Variants in RETREG1 observed in about 807,000 individuals in gnomAD.
The protein encoded by RETREG1 is family with sequence similarity 134 member B.
A neutral mutation model predicts 54.8 loss-of-function variants in RETREG1; 44 were observed. The ratio of observed to expected loss-of-function variants is 0.80; its 90% CI spans 0.63 to 1.03. The LOEUF is 1.03. Ranked by LOEUF, RETREG1 falls within the 50% of genes least tolerant of loss-of-function variation. The pLI is 0.00. For synonymous variants in RETREG1, 217 were observed against 238.5 expected, an observed-to-expected ratio of 0.91 and a Z score of 0.83; for missense variants, 554 against 605.1, an observed-to-expected ratio of 0.92 and a Z score of 0.89.
At chr5:16,498,276 A>G (rs1379362752) in intron 3 of RETREG1, among the ~76,000 whole-genome samples, 1 of 152,204 alleles carries the variant, frequency 6.6e-6, no homozygotes, top group African/African-American at 2.4e-5. Context: ...TACCGAGGCT[A>G]TAGGGTACAA....
chr5:16,497,473 C>T (rs992538679), intron 3 of RETREG1, among the ~76,000 whole-genome samples: 6 of 152,204 alleles, frequency 3.9e-5, no homozygotes. Flanking sequence ...TAAAATATCC[C>T]CTGCCTAGCA....
At chr5:16,519,593 T>A (rs1473142509) in intron 3 of RETREG1, among the ~76,000 whole-genome samples, 1 of 152,212 alleles carries the variant, frequency 6.6e-6, no homozygotes, top group African/African-American at 2.4e-5. Context: ...AAAGCTCCTT[T>A]CAGCCCAAAA....
At chr5:16,540,825 CTGGCTAATTT>C (rs576529440) in intron 3 of RETREG1, among the ~76,000 whole-genome samples, 278 of 152,310 alleles carry the variant, frequency 1.8e-3, no homozygotes, top group African/African-American at 6.2e-3. Flanking sequence ...TGTTCAGTGG[CTGGCTAATTT>C]CTCCCATGCA....
At chr5:16,478,158 T>A in intron 6 of RETREG1, 60 bp from the exon 7 acceptor site, 1 of 1,041,176 alleles carries the variant, frequency 9.6e-7, no homozygotes, top group Non-Finnish European at 1.5e-6. Context: ...ATAGTGCATT[T>A]ATTTCATTAT....
At chr5:16,528,104 C>A (rs1226285161) in intron 3 of RETREG1, among the ~76,000 whole-genome samples, 3 of 152,012 alleles carry the variant, frequency 2.0e-5, no homozygotes, top group African/African-American at 7.2e-5. Context: ...CCACCGCGCC[C>A]GGCCAGGGAC....
At chr5:16,490,675 G>A (rs769821013) in intron 3 of RETREG1, among the ~76,000 whole-genome samples, 5 of 152,194 alleles carry the variant, frequency 3.3e-5, no homozygotes, top group Non-Finnish European at 7.3e-5. Flanking sequence ...AGATACATTA[G>A]CTATCTTGTT....
intron 1 of RETREG1, among the ~76,000 whole-genome samples, chr5:16,600,478 C>T (rs1044628253): frequency 6.6e-6 from 1 of 152,224 alleles, no homozygotes; most frequent in Non-Finnish European, 1.5e-5. Context: ...GGCAGAGGAA[C>T]CACGCTGAGA....
chr5:16,607,658 G>T (rs1329416630), intron 1 of RETREG1, among the ~76,000 whole-genome samples: 3 of 151,896 alleles, frequency 2.0e-5, no homozygotes, highest in Non-Finnish European at 2.9e-5. Context: ...ATATTTTAAT[G>T]GAGGTCCTGA....
At chr5:16,477,087 A>T (rs966432059) in intron 8 of RETREG1, among the ~76,000 whole-genome samples, 1 of 152,074 alleles carries the variant, frequency 6.6e-6, no homozygotes, top group African/African-American at 2.4e-5. Context: ...ATCGCTTGGG[A>T]CATTTCAAAG....
intron 3 of RETREG1, among the ~76,000 whole-genome samples, chr5:16,510,667 G>A (rs1222642561): frequency 6.6e-6 from 1 of 151,830 alleles, no homozygotes; most frequent in Admixed American, 6.6e-5. Context: ...ACGCATGCCT[G>A]TAATCCCAGC....
At chr5:16,530,049 CTT>C (rs1254348642) in intron 3 of RETREG1, among the ~76,000 whole-genome samples, 6 of 152,228 alleles carry the variant, frequency 3.9e-5, no homozygotes, top group Non-Finnish European at 8.8e-5. Flanking sequence ...GCTCTTCACT[CTT>C]ATGCCTGCTC....
intron 3 of RETREG1, among the ~76,000 whole-genome samples, chr5:16,551,755 T>C (rs891368802): frequency 1.3e-5 from 2 of 152,176 alleles, no homozygotes; most frequent in African/African-American, 4.8e-5. Context: ...AATTACAAAT[T>C]TAGTGTCTGA....
rs1739585023 is a variant in RETREG1 at position 16,498,952 on chromosome 5, T to G, written c.459-15480A>C. The stretch of plus-strand genomic sequence containing the variant: ...TTTTTTACTTAATAAACTTTTCCAT[T>G]TTTTTAAAGTTTTTGACTCTTGTAA... On this transcript the variant is annotated intron_variant, in intron 3 of 8. Coordinates refer to ENST00000306320, the MANE Select transcript of RETREG1 (RefSeq NM_001034850.3). 1.3e-5 allele frequency among the ~76,000 whole-genome samples: 2 copies of G among 152,178 alleles called. 1 individual carries two copies. The highest frequency in any genetic ancestry group is 4.1e-4 in the South Asian group (2 of 4,832).
At position 16,616,978 on chromosome 5, in the gene RETREG1, C is replaced by T. The variant is rs1311232328; in HGVS notation, c.-7G>A. The T allele has an allele frequency of 7.1e-7, 1 of 1,402,416 alleles. No homozygotes were observed. The highest frequency in any genetic ancestry group is 9.3e-7 in the Non-Finnish European group (1 of 1,080,358). The allele number at this position is 1,402,416 out of a possible 1,614,324, so 86.9% of individuals were successfully genotyped here. A position where few individuals can be genotyped will look rare whatever the true frequency, so the allele number is the denominator to read the frequency against. ...GAGGCGCCGGGCTCGCCATCTTCAGCTGTGCTTCCAGACAGGGACGGGGCC... is the reference window on the plus strand; with the variant it reads ...GAGGCGCCGGGCTCGCCATCTTCAGTTGTGCTTCCAGACAGGGACGGGGCC... On this transcript the variant is annotated 5_prime_UTR_variant, in exon 1 of 9. Coordinates refer to ENST00000306320, the MANE Select transcript of RETREG1 (RefSeq NM_001034850.3).
intron 1 of RETREG1, among the ~76,000 whole-genome samples, chr5:16,595,702 G>A (rs553711544): frequency 2.3e-4 from 35 of 152,308 alleles, no homozygotes; most frequent in South Asian, 4.1e-4. Flanking sequence ...GCAAGAGGAA[G>A]CCCTTGACTG....
intron 5 of RETREG1, among the ~76,000 whole-genome samples, chr5:16,480,038 T>A (rs1738699098): frequency 6.6e-6 from 1 of 151,990 alleles, no homozygotes; most frequent in Non-Finnish European, 1.5e-5. Context: ...GACATATGCA[T>A]ACAACTAAGA....
intron 3 of RETREG1, among the ~76,000 whole-genome samples, chr5:16,535,811 ACGCTGCCTT>A (rs1307004620): frequency 4.5e-5 from 6 of 133,438 alleles, no homozygotes; most frequent in African/African-American, 1.5e-4. Flanking sequence ...TCCTGTGTGC[ACGCTGCCTT>A]CACGAAGTGG....
chr5:16,531,433 G>A (rs1740912201), intron 3 of RETREG1, among the ~76,000 whole-genome samples: 1 of 152,162 alleles, frequency 6.6e-6, no homozygotes, highest in Non-Finnish European at 1.5e-5. Flanking sequence ...GCGTCAGGAG[G>A]GTAAAGATTA....
At position 16,561,223 on chromosome 5, in the gene RETREG1, C is replaced by T. The variant is rs1395164367; in HGVS notation, c.458+4540G>A. ...CCTATAAACGGTACTTCCCGCCGGG[C>T]GCAGTGGCTCACACCTGTAATCCCA... On this transcript the variant is annotated intron_variant, in intron 3 of 8. Coordinates refer to ENST00000306320, the MANE Select transcript of RETREG1 (RefSeq NM_001034850.3). This position sits in a 1 kb window ranked among gnomAD's most constrained non-coding sequence, Gnocchi z 4.2. Among the ~76,000 whole-genome samples the T allele has an allele frequency of 1.3e-5, 2 of 152,124 alleles. No individual in the cohort carries two copies. Among genetic ancestry groups the T allele is most frequent in the Admixed American group, 6.5e-5 (1 of 15,274 alleles).
Sources: gnomAD v4.1 joint callset for allele counts (sites outside exome capture counted in the v4.1 genomes callset) on GRCh38, gnomAD v4.1.1 for gene constraint, Gnocchi (gnomAD v3.1) non-coding constraint, MANE v1.5 for transcripts, NCBI Gene and HGNC (gene_info 2026-07-23, HGNC 2026-07-21) for gene names.